The following GRID2 variants were observed in gnomAD, a reference collection of about 807,000 sequenced individuals.
GRID2 encodes glutamate receptor ionotropic, delta-2.
Under a neutral mutation model 114.8 loss-of-function variants are expected in GRID2, and 33 were observed. The ratio of observed to expected loss-of-function variants is 0.29; its 90% CI spans 0.22 to 0.38. The LOEUF is 0.38. GRID2 is among the 10% of genes least tolerant of loss of function. The probability of loss-of-function intolerance (pLI) is 1.00; values close to 1 mark genes in which losing one functional copy is unlikely to be tolerated. For missense variants in GRID2, 1,184 were observed against 1,257.7 expected (o/e 0.94, Z 0.89); for synonymous variants, 505 against 449.9 (o/e 1.12, Z -1.55).
chr4:93,472,499 T>G (rs1296113402), intron 11 of GRID2, among the ~76,000 whole-genome samples: 1 of 152,120 alleles, frequency 6.6e-6, no homozygotes, highest in African/African-American at 2.4e-5. Context: ...CATAGCTAAA[T>G]GATCAATGTG....
chr4:93,709,249 C>G (rs552328921), intron 14 of GRID2, among the ~76,000 whole-genome samples: 2 of 152,256 alleles, frequency 1.3e-5, no homozygotes, highest in East Asian at 3.9e-4. Context: ...GTAAAACACC[C>G]TTTAGCATCT....
chr4:93,471,889 G>T lies in GRID2; in HGVS notation c.1858+15915G>T, dbSNP rs554228487. Among the ~76,000 whole-genome samples, 7 of 148,324 alleles carry T rather than the reference G, an allele frequency of 4.7e-5. No individual in the cohort carries two copies. The East Asian group carries it at 1.0e-3, about 22-fold the overall frequency. ...TAATTTTTGTATTTTTAGGAGAGAC[G>T]GGGTTTCCCCATGTTGGTCAGGCTG... On this transcript the variant is annotated intron_variant, in intron 11 of 15. Transcript: ENST00000282020.
At chr4:92,776,244 T>C (rs940791075) in intron 2 of GRID2, among the ~76,000 whole-genome samples, 3 of 152,172 alleles carry the variant, frequency 2.0e-5, no homozygotes, top group South Asian at 2.1e-4. Flanking sequence ...TTTTACAAGA[T>C]ACCAGTATAC....
In GRID2 at chr4:92,483,524, G is replaced by A. The variant is rs147828319; in HGVS notation, c.89-106607G>A. Among the ~76,000 whole-genome samples the A allele has an allele frequency of 3.3e-5, 5 of 152,154 alleles. No homozygotes were observed. In the East Asian group the frequency reaches 9.7e-4, roughly 29 times the overall value. On this transcript the variant is annotated intron_variant, in intron 1 of 15. Transcript: ENST00000282020. ...TATGTATGTTGGGAAAAGCAATAAA[G>A]CTCTCGTTACTGAATAAATATCACT...
intron 1 of GRID2, among the ~76,000 whole-genome samples, chr4:92,524,752 A>G (rs1724964685): frequency 6.6e-6 from 1 of 151,902 alleles, no homozygotes; most frequent in South Asian, 2.1e-4. Flanking sequence ...TGGGAGTGAA[A>G]ACCTAATATA....
At chr4:92,690,628 G>A (rs531116630) in intron 2 of GRID2, among the ~76,000 whole-genome samples, 7 of 152,190 alleles carry the variant, frequency 4.6e-5, no homozygotes, top group South Asian at 4.1e-4. Flanking sequence ...AACAATATCC[G>A]TGGCATGCAA....
intron 13 of GRID2, among the ~76,000 whole-genome samples, chr4:93,521,530 G>T (rs1730338109): frequency 6.6e-6 from 1 of 152,074 alleles, no homozygotes; most frequent in Non-Finnish European, 1.5e-5. Flanking sequence ...ATGATAAAGG[G>T]TGATGAATGC....
chr4:93,549,964 T>G (rs13102309), intron 13 of GRID2, among the ~76,000 whole-genome samples: 1 of 152,160 alleles, frequency 6.6e-6, no homozygotes, highest in African/African-American at 2.4e-5. Context: ...TCACTGTCCC[T>G]GAACCTTAGG....
At chr4:92,861,682 T>A (rs1178693565) in intron 2 of GRID2, among the ~76,000 whole-genome samples, 2 of 152,022 alleles carry the variant, frequency 1.3e-5, no homozygotes, top group African/African-American at 4.8e-5. Context: ...TTCCCTGGAC[T>A]ACACAAAATA....
intron 2 of GRID2, among the ~76,000 whole-genome samples, chr4:92,704,383 G>A (rs1734838383): frequency 6.6e-6 from 1 of 152,046 alleles, no homozygotes; most frequent in African/African-American, 2.4e-5. Context: ...TAGTTGTTAT[G>A]GGTTGTTTTG....
At chr4:93,673,395 A>C (rs955308839) in intron 14 of GRID2, among the ~76,000 whole-genome samples, 4 of 152,174 alleles carry the variant, frequency 2.6e-5, no homozygotes, top group Non-Finnish European at 5.9e-5. Context: ...TTCCCATCTC[A>C]GTGCAAAATA....
At chr4:93,138,992 G>A (rs1421312022) in intron 4 of GRID2, among the ~76,000 whole-genome samples, 2 of 152,034 alleles carry the variant, frequency 1.3e-5, no homozygotes, top group African/African-American at 4.8e-5. Flanking sequence ...ACATTTTATA[G>A]TTCTCTGAGA....
chr4:93,319,196 T>TAC (rs1009895978), intron 8 of GRID2, among the ~76,000 whole-genome samples: 28 of 152,152 alleles, frequency 1.8e-4, no homozygotes, highest in African/African-American at 6.3e-4. Context: ...ATTCAAAATG[T>TAC]ACACACACAC....
intron 4 of GRID2, among the ~76,000 whole-genome samples, chr4:93,125,751 G>C (rs1031170691): frequency 6.6e-6 from 1 of 152,066 alleles, no homozygotes; most frequent in African/African-American, 2.4e-5. Flanking sequence ...TAATGAATAA[G>C]CAAATCCTTA....
At chr4:92,365,586 A>G (rs1055220722) in intron 1 of GRID2, among the ~76,000 whole-genome samples, 1 of 152,002 alleles carries the variant, frequency 6.6e-6, no homozygotes, top group African/African-American at 2.4e-5. Flanking sequence ...AATCTATTCC[A>G]CAACAATAGA....
At chr4:92,869,476 G>A (rs1745119964) in intron 2 of GRID2, among the ~76,000 whole-genome samples, 1 of 152,192 alleles carries the variant, frequency 6.6e-6, no homozygotes, top group Admixed American at 6.5e-5. Flanking sequence ...GATGGCTCAT[G>A]TATACCTTCT....
chr4:93,167,734 C>T (rs1738390974), intron 4 of GRID2, among the ~76,000 whole-genome samples: 1 of 152,062 alleles, frequency 6.6e-6, no homozygotes. Flanking sequence ...AAAATTTGAA[C>T]ATTAACTGAA....
intron 14 of GRID2, among the ~76,000 whole-genome samples, chr4:93,679,935 A>G (rs1318671953): frequency 6.6e-6 from 1 of 151,270 alleles, no homozygotes; most frequent in Non-Finnish European, 1.5e-5. Flanking sequence ...ATCAGAGCAG[A>G]ACTGAAGGAA....
intron 2 of GRID2, among the ~76,000 whole-genome samples, chr4:92,852,668 C>G (rs1434089499): frequency 2.0e-5 from 3 of 151,840 alleles, no homozygotes; most frequent in Non-Finnish European, 2.9e-5. Context: ...ATTAACCATG[C>G]CCTCCTTCTT....
Sources: gnomAD v4.1 joint callset for allele counts (sites outside exome capture counted in the v4.1 genomes callset) on GRCh38, gnomAD v4.1.1 for gene constraint, MANE v1.5 for transcripts, NCBI Gene and HGNC (gene_info 2026-07-23, HGNC 2026-07-21) for gene names.